MGAM: variants seen among roughly 807,000 people sequenced by gnomAD.
The protein encoded by MGAM is maltase-glucoamylase.
Under a neutral mutation model 358.8 loss-of-function variants are expected in MGAM, and 253 were observed. The observed-to-expected ratio is 0.71, with a 90% CI of 0.64 to 0.78. The LOEUF (loss-of-function observed/expected upper bound fraction) is 0.78, where lower values mean the gene tolerates loss of function less well. Among genes scored for constraint, MGAM ranks in the 30% least tolerant of loss-of-function variants. MGAM has a pLI of 0.00. For synonymous variants in MGAM, 1,105 were observed against 1,227.1 expected, an observed-to-expected ratio of 0.90 and a Z score of 2.08; for missense variants, 3,080 against 3,432.6, an observed-to-expected ratio of 0.90 and a Z score of 2.57.
intron 3 of MGAM, among the ~76,000 whole-genome samples, chr7:142,016,835 T>C (rs576116967): frequency 1.3e-5 from 2 of 152,196 alleles, no homozygotes; most frequent in East Asian, 3.9e-4. Flanking sequence ...TCGAGTGATC[T>C]GCCTGCCTCC....
rs1815661668 is a variant in MGAM, at chr7:142,094,167, T to A, written c.7173-197T>A. 1.4e-5 allele frequency among the ~76,000 whole-genome samples: 2 copies of A among 146,274 alleles called. 1 individual carries two copies. Among genetic ancestry groups the A allele is most frequent in the Non-Finnish European group, 3.1e-5 (2 of 64,640 alleles). ...GAGTTTGCTACAGTGAAGTTCTTTG[T>A]AAAGCACTGTGAGAACACGTGACTC... On this transcript the variant is annotated intron_variant, in intron 60 of 70. Coordinates refer to ENST00000475668, the MANE Select transcript of MGAM (RefSeq NM_001365693.1).
In MGAM at chr7:142,095,712, G is replaced by A; in HGVS notation, c.7606G>A (p.Glu2536Lys). The A allele has an allele frequency of 6.2e-7, 1 of 1,613,892 alleles. No homozygotes were observed. ...GVTVVRPLLH[E>K]FVSDQVTWDI... ...CACTGTTGTGCGGCCTCTGCTCCAT[G>A]AGTGAGTGTCCAGCAGGGATCCCAA... Residue 2536 changes from glutamate to lysine, a missense_variant and splice_region_variant, in exon 64 of 71, where the codon GAG (glutamate) becomes AAG (lysine). Transcript: ENST00000475668.
chr7:142,045,344 GTCCC>G (rs1810057985), intron 21 of MGAM, among the ~76,000 whole-genome samples: 2 of 57,476 alleles, frequency 3.5e-5, no homozygotes, highest in African/African-American at 1.2e-4. Context: ...TATATTATAT[GTCCC>G]TATAATACAT....
At chr7:142,029,894 G>A (rs1362493295) in intron 10 of MGAM, among the ~76,000 whole-genome samples, 4 of 152,134 alleles carry the variant, frequency 2.6e-5, no homozygotes, top group Non-Finnish European at 5.9e-5. Context: ...AGGTAAAATT[G>A]GGATAGCATA....
chr7:142,030,290 C>A, intron 10 of MGAM, 72 bp from the exon 11 acceptor site: 8 of 1,455,072 alleles, frequency 5.5e-6, no homozygotes, highest in East Asian at 4.9e-5. Context: ...TGAATAATAA[C>A]AGTGAAAATT....
rs1466383292 is a variant in MGAM, at chr7:142,042,042, T to C, written c.2498+1196T>C. Among the ~76,000 whole-genome samples the C allele has an allele frequency of 1.2e-3, 51 of 42,316 alleles. 1 individual carries two copies. The highest frequency in any genetic ancestry group is 7.2e-3 in the African/African-American group (48 of 6,648). The allele number at this position is 42,316 out of a possible 152,430, so 27.8% of individuals were successfully genotyped here. A position where few individuals can be genotyped will look rare whatever the true frequency, so the allele number is the denominator to read the frequency against. On this transcript the variant is annotated intron_variant, in intron 21 of 70. Coordinates refer to ENST00000475668, the MANE Select transcript of MGAM (RefSeq NM_001365693.1). ...ATATATATATTATATTATATACATA[T>C]AATATATAATATATATACATATAAT... is the stretch of plus-strand genomic sequence containing the variant.
Position 142,038,588 on chromosome 7 carries a change from C to G in MGAM, c.2289C>G (p.Gly763=). 6.2e-7 allele frequency: 1 copy of G among 1,611,156 alleles called. No homozygotes were observed. Among genetic ancestry groups the G allele is most frequent in the South Asian group, 1.1e-5 (1 of 90,468 alleles). ...DVHQQFLWGP[G]LLITPVLDEG... The stretch of plus-strand genomic sequence containing the variant: ...ACCAACAGTTCTTATGGGGGCCCGG[C>G]CTCCTCATCACTCCAGTTCTGGATG... The change falls in exon 19 of 71, where the codon GGC becomes GGG. Residue 763 remains glycine (G), a synonymous_variant. Coordinates refer to ENST00000475668, the MANE Select transcript of MGAM (RefSeq NM_001365693.1).
At position 142,052,316 on chromosome 7, in the gene MGAM, ATCT is replaced by A; in HGVS notation, c.2832_2834del (p.Leu946del). 1.2e-6 allele frequency: 2 copies of A among 1,606,438 alleles called. No homozygotes were observed. The highest frequency in any genetic ancestry group is 1.7e-6 in the Non-Finnish European group (2 of 1,175,920). On this transcript the variant is annotated inframe_deletion, in exon 25 of 71. Coordinates refer to ENST00000475668, the MANE Select transcript of MGAM (RefSeq NM_001365693.1). The stretch of plus-strand genomic sequence containing the variant: ...CAGGTTGCCATTATCACAGATATTG[ATCT>A]TCTCCTGGGAGAAGCATACACAGTG...
At chr7:142,031,825 C>A in intron 13 of MGAM, 32 bp downstream of exon 13, 1 of 1,397,656 alleles carries the variant, frequency 7.2e-7, no homozygotes, top group Non-Finnish European at 1.0e-6. Flanking sequence ...TATTAGGTGA[C>A]AAATATTCAA....
chr7:142,013,311 C>A (rs1321955920), intron 3 of MGAM, among the ~76,000 whole-genome samples: 2 of 152,036 alleles, frequency 1.3e-5, no homozygotes, highest in African/African-American at 4.8e-5. Flanking sequence ...CTGTTCCCTC[C>A]AGTGGCAGGA....
intron 36 of MGAM, 33 bp downstream of exon 36, chr7:142,063,619 C>A: frequency 6.2e-7 from 1 of 1,604,340 alleles, no homozygotes; most frequent in Non-Finnish European, 8.5e-7. Flanking sequence ...ACTGGCAGAG[C>A]CATGACTGGA....
rs1563153312 is a variant in MGAM, at chr7:142,044,164, A to ATG, written c.2498+3319_2498+3320insGT. Among the ~76,000 whole-genome samples the ATG allele has an allele frequency of 3.6e-3, 518 of 143,540 alleles. 48 individuals carry two copies. Among genetic ancestry groups the ATG allele is most frequent in the African/African-American group, 0.013 (497 of 39,748 alleles). 94.2% of individuals were successfully genotyped at this position (143,540 alleles called of 152,430 possible). ...ATTATATACACATACGACGTATAAT[A>ATG]TATACATTATATACACATACGACAT... On this transcript the variant is annotated intron_variant, in intron 21 of 70. Transcript: ENST00000475668.
Position 142,019,216 on chromosome 7 carries a change from T to C in MGAM, c.345T>C (p.Arg115=), listed in dbSNP as rs1806210876. The change falls in exon 4 of 71, where the codon CGT becomes CGC. Residue 115 remains arginine (R), a synonymous_variant. Coordinates refer to ENST00000475668, the MANE Select transcript of MGAM (RefSeq NM_001365693.1). ...TGTTTCAGGCCACATGTGACCAACG[T>C]GGCTGTTGCTGGAATCCCCAGGGAG... The part of the protein sequence containing the change: ...QPPTKATCDQ[R]GCCWNPQGAV... The C allele has an allele frequency of 6.2e-7, 1 of 1,613,440 alleles. No individual in the cohort carries two copies. The highest frequency in any genetic ancestry group is 1.3e-5 in the African/African-American group (1 of 74,932).
At chr7:141,999,859 A>G (rs371842585) in intron 1 of MGAM, among the ~76,000 whole-genome samples, 1 of 152,144 alleles carries the variant, frequency 6.6e-6, no homozygotes, top group African/African-American at 2.4e-5. Flanking sequence ...TTCACCATCA[A>G]GAGTTCTATA....
chr7:142,070,863 T>C (rs1585055458), intron 43 of MGAM, 131 bp from the exon 44 acceptor site: 1 of 1,231,964 alleles, frequency 8.1e-7, no homozygotes, highest in African/African-American at 1.4e-5. Context: ...GAATGGGTAA[T>C]AGCAGGTATG....
chr7:142,032,191 G>A (rs988289682), intron 13 of MGAM, among the ~76,000 whole-genome samples: 4 of 151,956 alleles, frequency 2.6e-5, no homozygotes, highest in African/African-American at 9.7e-5. Context: ...AAGTACTCAG[G>A]TGCATGAACA....
At chr7:142,025,634 A>G (rs1287933470) in intron 8 of MGAM, among the ~76,000 whole-genome samples, 3 of 152,190 alleles carry the variant, frequency 2.0e-5, no homozygotes, top group Non-Finnish European at 4.4e-5. Flanking sequence ...GTGGTCCCTG[A>G]ATGGGTCACA....
intron 28 of MGAM, 131 bp from the exon 29 acceptor site, chr7:142,055,869 C>G: frequency 6.9e-7 from 1 of 1,456,276 alleles, no homozygotes; most frequent in Non-Finnish European, 9.3e-7. Context: ...TCCTTTGTTT[C>G]ATGTGTTTAG....
chr7:142,063,590 A>G lies in MGAM; in HGVS notation c.4345+4A>G. ...AACCACCCTCCCTACATGCCACGTA[A>G]GAAGCCTTGGCCTCCTTGACTGGCA... On this transcript the variant is annotated splice_donor_region_variant and intron_variant, in intron 36 of 70. Coordinates refer to ENST00000475668, the MANE Select transcript of MGAM (RefSeq NM_001365693.1). 4.3e-6 allele frequency: 7 copies of G among 1,612,946 alleles called. No homozygotes were observed. The highest frequency in any genetic ancestry group is 5.9e-6 in the Non-Finnish European group (7 of 1,179,418).
Sources: gnomAD v4.1 joint callset for allele counts (sites outside exome capture counted in the v4.1 genomes callset) on GRCh38, gnomAD v4.1.1 for gene constraint, MANE v1.5 for transcripts, NCBI Gene and HGNC (gene_info 2026-07-23, HGNC 2026-07-21) for gene names.